The following MYO9A variants were observed in gnomAD, a reference collection of about 807,000 sequenced individuals.
MYO9A encodes the protein unconventional myosin-IXa.
Under a neutral mutation model 293.3 loss-of-function variants are expected in MYO9A, and 103 were observed. The observed-to-expected ratio is 0.35, with a 90% CI of 0.30 to 0.41. MYO9A has a LOEUF of 0.41. MYO9A is among the 10% of genes least tolerant of loss of function. The pLI, the probability that MYO9A is intolerant of heterozygous loss-of-function variation, is 1.00. For synonymous variants in MYO9A, 1,001 were observed against 1,035.7 expected (o/e 0.97, Z 0.64); for missense variants, 2,685 against 3,033.0 (o/e 0.89, Z 2.69).
intron 8 of MYO9A, 82 bp downstream of exon 8, chr15:72,007,744 C>T (rs778033422): frequency 1.7e-5 from 23 of 1,368,312 alleles, no homozygotes; most frequent in African/African-American, 3.0e-5. Context: ...AGCATTAACC[C>T]GTTTACACCT....
chr15:72,086,983 G>A (rs1025375872), intron 1 of MYO9A, among the ~76,000 whole-genome samples: 2 of 152,060 alleles, frequency 1.3e-5, no homozygotes, highest in African/African-American at 4.8e-5. Flanking sequence ...TCAGGTTGGT[G>A]TCAAACTCCC....
At chr15:72,019,750 T>A (rs996249993) in intron 5 of MYO9A, among the ~76,000 whole-genome samples, 6 of 152,142 alleles carry the variant, frequency 3.9e-5, no homozygotes, top group Admixed American at 1.3e-4. Flanking sequence ...GGTATAACTT[T>A]CTTTTTTTCT....
At chr15:72,048,536 CATCTATGGATCT>C (rs2078460914) in intron 1 of MYO9A, among the ~76,000 whole-genome samples, 1 of 151,988 alleles carries the variant, frequency 6.6e-6, no homozygotes, top group Non-Finnish European at 1.5e-5. Flanking sequence ...AAATAGATTC[CATCTATGGATCT>C]GTACCTATCA....
intron 13 of MYO9A, among the ~76,000 whole-genome samples, chr15:71,962,150 G>C (rs1384219717): frequency 6.6e-6 from 1 of 152,134 alleles, no homozygotes; most frequent in Non-Finnish European, 1.5e-5. Flanking sequence ...TAAATAAATG[G>C]GGAGAGTAAG....
At chr15:71,861,679 T>TAAAAAAAAA (rs66598621) in intron 33 of MYO9A, among the ~76,000 whole-genome samples, 7 of 82,880 alleles carry the variant, frequency 8.4e-5, no homozygotes, top group Admixed American at 2.4e-4. Context: ...ACTGATGATA[T>TAAAAAAAAA]AAAAAAAAAA....
chr15:72,007,766 A>G (rs1171797005), intron 8 of MYO9A, 60 bp downstream of exon 8: 2 of 1,548,200 alleles, frequency 1.3e-6, no homozygotes, highest in African/African-American at 2.8e-5. Flanking sequence ...CAAAATACAC[A>G]AAATAAAAAA....
chr15:71,921,977 CTTTTT>C (rs955886166), intron 18 of MYO9A, among the ~76,000 whole-genome samples: 1 of 149,044 alleles, frequency 6.7e-6, no homozygotes, highest in African/African-American at 2.5e-5. Flanking sequence ...TCTTTTTCTA[CTTTTT>C]TTTTTATTTT....
chr15:71,826,366 A>G lies in MYO9A; in HGVS notation c.*214T>C. 1.9e-6 allele frequency: 1 copy of G among 535,816 alleles called. No homozygotes were observed. The highest frequency in any genetic ancestry group is 1.9e-5 in the African/African-American group (1 of 52,272). The allele number at this position is 535,816 out of a possible 1,614,324, so 33.2% of individuals were successfully genotyped here. A position where few individuals can be genotyped will look rare whatever the true frequency, so the allele number is the denominator to read the frequency against. The stretch of plus-strand genomic sequence containing the variant: ...GTATAGTAAAAATCTCAATTCAAAT[A>G]CAACAGCCAAGGCACAGCTGGCACC... On this transcript the variant is annotated 3_prime_UTR_variant, in exon 42 of 42. Transcript: ENST00000356056.
chr15:72,062,692 C>A (rs997623231), intron 1 of MYO9A, among the ~76,000 whole-genome samples: 2 of 152,116 alleles, frequency 1.3e-5, no homozygotes, highest in African/African-American at 4.8e-5. Context: ...ATAAAGCCTA[C>A]AAGATCTAGA....
intron 33 of MYO9A, 72 bp downstream of exon 33, chr15:71,862,428 A>C (rs1448526849): frequency 8.6e-7 from 1 of 1,167,568 alleles, no homozygotes; most frequent in African/African-American, 1.5e-5. Flanking sequence ...ATGTTAAAGG[A>C]GATATAAGAC....
At chr15:71,876,138 T>C (rs930297426) in intron 31 of MYO9A, among the ~76,000 whole-genome samples, 1 of 151,142 alleles carries the variant, frequency 6.6e-6, no homozygotes, top group Non-Finnish European at 1.5e-5. Context: ...TTTATTTTAA[T>C]CATTAATTGA....
At chr15:71,907,855 G>A (rs1191587445) in intron 19 of MYO9A, among the ~76,000 whole-genome samples, 2 of 152,168 alleles carry the variant, frequency 1.3e-5, no homozygotes, top group East Asian at 1.9e-4. Context: ...CCCTTTGTCA[G>A]ATGAGTAGAT....
intron 1 of MYO9A, among the ~76,000 whole-genome samples, chr15:72,098,618 A>G (rs1024369354): frequency 6.6e-6 from 1 of 152,182 alleles, no homozygotes; most frequent in Non-Finnish European, 1.5e-5. Context: ...TTAGAGAGCT[A>G]TCTATTCAGA....
At position 71,916,425 on chromosome 15, in the gene MYO9A, G is replaced by C. The variant is rs1221223229; in HGVS notation, c.2630C>G (p.Ser877Cys). Reference protein sequence around the residue: ...RLTLQDRITKSLLHLHKKKKP... With the variant: ...RLTLQDRITKCLLHLHKKKKP... ...TTTCTTCTTGTGTAAATGAAGAAGA[G>C]ACTTGGTAATGCGATCTTGTAGTGT... The change falls in exon 19 of 42, where the codon TCT becomes TGT. Residue 877 changes from serine (S) to cysteine (C), a missense_variant. This residue lies in a region of MYO9A where 1,434 missense variants were observed against 1,497.7 expected (regional missense o/e 0.96). Transcript: ENST00000356056. 6.2e-7 allele frequency: 1 copy of C among 1,613,510 alleles called. No homozygotes were observed. The highest frequency in any genetic ancestry group is 8.5e-7 in the Non-Finnish European group (1 of 1,179,794).
intron 12 of MYO9A, among the ~76,000 whole-genome samples, chr15:71,974,467 G>A (rs2076088166): frequency 1.3e-5 from 2 of 152,302 alleles, no homozygotes; most frequent in African/African-American, 4.8e-5. Flanking sequence ...CTTCCCAAGG[G>A]AGGAGTACAC....
At chr15:72,065,475 A>C (rs1261976830) in intron 1 of MYO9A, among the ~76,000 whole-genome samples, 1 of 150,554 alleles carries the variant, frequency 6.6e-6, no homozygotes, top group Admixed American at 6.7e-5. Flanking sequence ...AGATCACGCC[A>C]CTGCACTCCA....
At chr15:72,059,895 C>A (rs2078829941) in intron 1 of MYO9A, among the ~76,000 whole-genome samples, 1 of 152,092 alleles carries the variant, frequency 6.6e-6, no homozygotes, top group African/African-American at 2.4e-5. Context: ...AAGGAGTAAG[C>A]CACCTTTTAT....
intron 14 of MYO9A, among the ~76,000 whole-genome samples, chr15:71,956,769 T>G (rs1341509839): frequency 6.6e-6 from 1 of 150,582 alleles, no homozygotes; most frequent in Non-Finnish European, 1.5e-5. Flanking sequence ...TATTCATATA[T>G]GTAGCATGTA....
intron 8 of MYO9A, among the ~76,000 whole-genome samples, chr15:72,001,575 A>G (rs1596353246): frequency 1.4e-5 from 2 of 139,178 alleles, no homozygotes; most frequent in African/African-American, 5.2e-5. Context: ...AAAAAAAAAT[A>G]GATTATAAGG....
Sources: gnomAD v4.1 joint callset for allele counts (sites outside exome capture counted in the v4.1 genomes callset) on GRCh38, gnomAD v4.1.1 for gene constraint, gnomAD v4.1.1 regional missense constraint, MANE v1.5 for transcripts, NCBI Gene and HGNC (gene_info 2026-07-23, HGNC 2026-07-21) for gene names.